Variants in WDR88 observed in about 807,000 individuals in gnomAD.
WDR88 encodes the protein WD repeat-containing protein 88.
In WDR88, 40 loss-of-function variants were observed where a neutral mutation model predicts 46.8. That is an observed-to-expected ratio of 0.86 (90% CI 0.66 to 1.11). The LOEUF (loss-of-function observed/expected upper bound fraction) is 1.11. WDR88 is among the 50% of genes most tolerant of loss of function. The pLI is 0.00. For synonymous variants in WDR88, 235 were observed against 240.7 expected (o/e 0.98, Z 0.22); for missense variants, 562 against 602.4 (o/e 0.93, Z 0.70).
intron 8 of WDR88, among the ~76,000 whole-genome samples, chr19:33,162,828 G>A (rs1169470274): frequency 6.6e-6 from 1 of 151,988 alleles, no homozygotes; most frequent in Non-Finnish European, 1.5e-5. Context: ...GCTGCAGTGA[G>A]CTATGATTGA....
intron 2 of WDR88, among the ~76,000 whole-genome samples, chr19:33,142,209 G>T (rs1410387000): frequency 3.3e-5 from 5 of 151,992 alleles, no homozygotes; most frequent in South Asian, 4.2e-4. Context: ...GGAGCCAGCA[G>T]GGGGGGACGA....
chr19:33,148,777 G>A lies in WDR88; in HGVS notation c.546G>A (p.Lys182=). 1 of 1,614,098 alleles carries A rather than the reference G, an allele frequency of 6.2e-7. No homozygotes were observed. Among genetic ancestry groups the A allele is most frequent in the Non-Finnish European group, 8.5e-7 (1 of 1,180,014 alleles). The change falls in exon 5 of 11, where the codon AAG becomes AAA. Residue 182 remains lysine (K), a synonymous_variant. Coordinates refer to ENST00000355868, the MANE Select transcript of WDR88 (RefSeq NM_173479.4). ...WDLETGKLLW[K]VRYDTFIVSC... ...TGATTGCTGGCTCATTTCAGTGGAAGGTCAGGTATGATACCTTCATCGTCT... is the reference window on the plus strand; with the variant it reads ...TGATTGCTGGCTCATTTCAGTGGAAAGTCAGGTATGATACCTTCATCGTCT...
At position 33,156,390 on chromosome 19, in the gene WDR88, C is replaced by T. The variant is rs762900723; in HGVS notation, c.845C>T (p.Thr282Ile). The stretch of plus-strand genomic sequence containing the variant: ...AATGCAATCTCAAACTGCTGTTTTA[C>T]CTTCAGTGGCCATTTCCTGTGTACA... ...HSNAISNCCF[T>I]FSGHFLCTSS... is the part of the protein sequence containing the mutation. Residue 282 changes from threonine (T) to isoleucine (I), a missense_variant, in exon 7 of 11, where the codon ACC becomes ATC. Transcript: ENST00000355868. 2 of 1,614,126 alleles carry T rather than the reference C, an allele frequency of 1.2e-6. No homozygotes were observed. The highest frequency in any genetic ancestry group is 1.1e-5 in the South Asian group (1 of 91,076).
chr19:33,135,203 C>G (rs1973237587), intron 1 of WDR88, among the ~76,000 whole-genome samples: 2 of 152,080 alleles, frequency 1.3e-5, no homozygotes, highest in South Asian at 2.1e-4. Flanking sequence ...CCCCAGTTCC[C>G]CAATACCCAT....
intron 9 of WDR88, among the ~76,000 whole-genome samples, chr19:33,171,781 T>C (rs1974042611): frequency 6.6e-6 from 1 of 152,076 alleles, no homozygotes; most frequent in South Asian, 2.1e-4. Flanking sequence ...TTTTGTTTGT[T>C]TGTTTGTTTT....
intron 10 of WDR88, chr19:33,174,859 G>A (rs1486958237): frequency 1.0e-6 from 1 of 982,836 alleles, no homozygotes; most frequent in Non-Finnish European, 1.2e-6. Context: ...GGAGACATGA[G>A]CTGGCAGGAC....
intron 1 of WDR88, among the ~76,000 whole-genome samples, chr19:33,137,347 G>A (rs1343290917): frequency 2.0e-5 from 3 of 151,282 alleles, no homozygotes; most frequent in Admixed American, 6.6e-5. Context: ...TCCGCCTCCT[G>A]TATTCAAGTG....
At chr19:33,159,487 G>A (rs1043925807) in intron 7 of WDR88, among the ~76,000 whole-genome samples, 1 of 152,204 alleles carries the variant, frequency 6.6e-6, no homozygotes, top group East Asian at 1.9e-4. Flanking sequence ...TCAGGCATGA[G>A]TTACAGCTGT....
At chr19:33,158,152 A>G (rs567539686) in intron 7 of WDR88, among the ~76,000 whole-genome samples, 2 of 152,256 alleles carry the variant, frequency 1.3e-5, no homozygotes, top group South Asian at 4.1e-4. Flanking sequence ...AGCCAAACAT[A>G]TGCTCCCCTA....
intron 3 of WDR88, among the ~76,000 whole-genome samples, chr19:33,145,534 CTT>C (rs200694766): frequency 1.4e-5 from 2 of 143,706 alleles, no homozygotes; most frequent in East Asian, 2.1e-4. Context: ...GGGAATTTAT[CTT>C]TTTTTTTTTC....
intron 1 of WDR88, among the ~76,000 whole-genome samples, chr19:33,136,406 G>A (rs937609698): frequency 1.3e-5 from 2 of 151,784 alleles, no homozygotes; most frequent in Admixed American, 1.3e-4. Flanking sequence ...GGCCAGGCTG[G>A]TCTTGAATTC....
At chr19:33,139,677 T>C (rs1353538220) in intron 2 of WDR88, among the ~76,000 whole-genome samples, 19 of 152,142 alleles carry the variant, frequency 1.2e-4, no homozygotes, top group Admixed American at 1.2e-3. Flanking sequence ...GAACAGAGGA[T>C]TTTTTTGAGA....
chr19:33,168,743 T>C (rs112931507), intron 9 of WDR88, among the ~76,000 whole-genome samples: 53 of 152,174 alleles, frequency 3.5e-4, no homozygotes, highest in African/African-American at 1.2e-3. Context: ...CATTTTCATA[T>C]GAAATTGCAA....
intron 2 of WDR88, among the ~76,000 whole-genome samples, chr19:33,139,643 C>G (rs1207544871): frequency 1.3e-5 from 2 of 152,128 alleles, no homozygotes; most frequent in African/African-American, 2.4e-5. Context: ...TAGGATGGTA[C>G]AGGCAAAAGG....
chr19:33,152,234 A>AATATATATATAT (rs58282641), intron 6 of WDR88, among the ~76,000 whole-genome samples: 3,036 of 147,356 alleles, frequency 0.021, 71 homozygotes, highest in African/African-American at 0.059. Flanking sequence ...TCTGTCTCAA[A>AATATATATATAT]ATATATATAT....
chr19:33,173,361 A>G (rs987041307), intron 10 of WDR88, among the ~76,000 whole-genome samples: 1 of 152,166 alleles, frequency 6.6e-6, no homozygotes, highest in African/African-American at 2.4e-5. Context: ...GCGCTTCTCT[A>G]GTGCAAGAGC....
chr19:33,140,430 A>G (rs184921348), intron 2 of WDR88, among the ~76,000 whole-genome samples: 81 of 152,280 alleles, frequency 5.3e-4, no homozygotes, highest in Non-Finnish European at 6.2e-4. Flanking sequence ...AAAGTGCTGG[A>G]ACTTCAGGCA....
Position 33,137,783 on chromosome 19 carries a change from T to A in WDR88, c.383T>A (p.Leu128Gln), listed in dbSNP as rs759166123. 1.2e-6 allele frequency: 2 copies of A among 1,612,564 alleles called. No homozygotes were observed. The highest frequency in any genetic ancestry group is 4.5e-5 in the East Asian group (2 of 44,850). ...GGCTCCTATGACTGCACTGTGAAGC[T>A]GTGGGTAGGTGGCCGGCTGTTAGGT... ...LSGSYDCTVK[L>Q]WDPVDGSVVR... Residue 128 changes from leucine to glutamine, a missense_variant, in exon 2 of 11, where the codon CTG (leucine) becomes CAG (glutamine). Leu to Gln is a moderately radical substitution (Grantham distance 113). Transcript: ENST00000355868.
Position 33,149,478 on chromosome 19 carries a change from A to G in WDR88, c.679+568A>G, listed in dbSNP as rs1260548441. ...ACCTCATGTGGTCATTGACAGCCTAATCTTTTATTGAGGGGAGGCTCAGGC... is the reference window on the plus strand; with the variant it reads ...ACCTCATGTGGTCATTGACAGCCTAGTCTTTTATTGAGGGGAGGCTCAGGC... On this transcript the variant is annotated intron_variant, in intron 5 of 10. Transcript: ENST00000355868. 2.0e-5 allele frequency among the ~76,000 whole-genome samples: 3 copies of G among 152,068 alleles called. No individual in the cohort carries two copies. In the East Asian group the frequency reaches 5.8e-4, roughly 29 times the overall value.
Sources: allele counts gnomAD v4.1 joint callset (sites outside exome capture counted in the v4.1 genomes callset), GRCh38; gene constraint gnomAD v4.1.1; transcripts MANE v1.5; gene names NCBI Gene and HGNC (gene_info 2026-07-23, HGNC 2026-07-21).